PPP6R2: variants seen among roughly 807,000 people sequenced by gnomAD.
PPP6R2 encodes protein phosphatase 6 regulatory subunit 2.
A neutral mutation model predicts 100.2 loss-of-function variants in PPP6R2; 62 were observed. That is an observed-to-expected ratio of 0.62 (90% confidence interval 0.50 to 0.76). The LOEUF (loss-of-function observed/expected upper bound fraction) is 0.76, where lower values mean the gene tolerates loss of function less well. PPP6R2 is among the 30% of genes least tolerant of loss of function. The pLI is 0.00. For missense variants in PPP6R2, 1,142 were observed against 1,276.3 expected (o/e 0.89, Z 1.60); for synonymous variants, 525 against 514.7 (o/e 1.02, Z -0.27).
chr22:50,427,713 A>G (rs933277770), intron 10 of PPP6R2, among the ~76,000 whole-genome samples: 3 of 146,372 alleles, frequency 2.0e-5, no homozygotes, highest in Non-Finnish European at 4.5e-5. Context: ...CCACCACAAA[A>G]TAATTTTTGT....
intron 2 of PPP6R2, among the ~76,000 whole-genome samples, chr22:50,391,216 G>A (rs1296843681): frequency 1.3e-5 from 2 of 151,544 alleles, no homozygotes; most frequent in African/African-American, 4.8e-5. Flanking sequence ...GGCGGATCAC[G>A]AGGTCAGGAG....
chr22:50,422,510 T>G, intron 9 of PPP6R2, 130 bp downstream of exon 9: 15 of 1,228,012 alleles, frequency 1.2e-5, no homozygotes, highest in Middle Eastern at 2.9e-4. Flanking sequence ...AGACGGCCAT[T>G]CCCACACCCC....
chr22:50,383,848 C>A (rs1602785578), intron 2 of PPP6R2, among the ~76,000 whole-genome samples: 2 of 151,796 alleles, frequency 1.3e-5, no homozygotes, highest in African/African-American at 4.8e-5. Flanking sequence ...ACTAGCCTGG[C>A]CAACATGGTG....
intron 1 of PPP6R2, among the ~76,000 whole-genome samples, chr22:50,371,348 G>C (rs989706413): frequency 6.6e-6 from 1 of 152,024 alleles, no homozygotes; most frequent in Non-Finnish European, 1.5e-5. Flanking sequence ...TCCCAGAAAA[G>C]GAAGACTGCC....
At chr22:50,405,993 G>T (rs2058855482) in intron 3 of PPP6R2, among the ~76,000 whole-genome samples, 1 of 145,694 alleles carries the variant, frequency 6.9e-6, no homozygotes, top group African/African-American at 2.6e-5. Flanking sequence ...AGAAGTGAGA[G>T]ACCTGCAGAG....
At chr22:50,357,456 A>T (rs1427758679) in intron 1 of PPP6R2, among the ~76,000 whole-genome samples, 11 of 116,680 alleles carry the variant, frequency 9.4e-5, no homozygotes, top group Non-Finnish European at 1.4e-4. Flanking sequence ...CTCTTTCCCT[A>T]CCTCCCTTCC....
intron 2 of PPP6R2, among the ~76,000 whole-genome samples, chr22:50,380,986 C>CAAA (rs375160457): frequency 1.6e-4 from 14 of 87,900 alleles, no homozygotes; most frequent in East Asian, 9.8e-4. Flanking sequence ...GACTCCATCT[C>CAAA]AAAAAAAAAA....
chr22:50,358,248 A>G (rs978322859), intron 1 of PPP6R2, among the ~76,000 whole-genome samples: 15 of 152,138 alleles, frequency 9.9e-5, no homozygotes, highest in African/African-American at 3.6e-4. Context: ...GAACCAGTGT[A>G]CCCAGCTCCT....
the PPP6R2 span, among the ~76,000 whole-genome samples, chr22:50,332,419 G>A: frequency 6.6e-6 from 1 of 151,330 alleles, no homozygotes; most frequent in East Asian, 2.0e-4. Context: ...TTTAGTAGAA[G>A]CGGGGTTTCA....
chr22:50,355,984 A>G (rs1209574205), intron 1 of PPP6R2, among the ~76,000 whole-genome samples: 1 of 141,600 alleles, frequency 7.1e-6, no homozygotes, highest in Non-Finnish European at 1.5e-5. Flanking sequence ...TTTTTTTGAG[A>G]CGGAGTCTCG....
intron 1 of PPP6R2, among the ~76,000 whole-genome samples, chr22:50,353,700 T>G (rs906631160): frequency 1.3e-5 from 2 of 152,006 alleles, no homozygotes; most frequent in African/African-American, 4.8e-5. Flanking sequence ...GGAAGCACGT[T>G]AGACAAAGTA....
intron 2 of PPP6R2, among the ~76,000 whole-genome samples, chr22:50,391,464 A>G (rs1261172474): frequency 1.3e-5 from 2 of 148,306 alleles, no homozygotes; most frequent in African/African-American, 5.0e-5. Context: ...AAATGTAAAC[A>G]TTAGCTGGTC....
Position 50,440,983 on chromosome 22 carries a change from C to A in PPP6R2, c.2536C>A (p.Pro846Thr), listed in dbSNP as rs1457806368. The change falls in exon 22 of 24, where the codon CCC becomes ACC. Residue 846 changes from proline to threonine, a missense_variant. By Grantham distance (38) the Pro-to-Thr change is conservative (BLOSUM62 -1). Around this residue, in one of 2 missense-constraint regions of PPP6R2, gnomAD observed 550 missense variants for 517.4 expected, o/e 1.06. Coordinates refer to ENST00000612753, the MANE Select transcript of PPP6R2 (RefSeq NM_001242898.2). ...AVSRGPGREA[P>T]PLPTVARTEE... is the part of the protein sequence containing the mutation. The stretch of plus-strand genomic sequence containing the variant: ...GAGCAGGGGTCCCGGCCGGGAGGCC[C>A]CCCCGCTGCCCACAGTGGCCAGGAC... 6.2e-7 allele frequency: 1 copy of A among 1,610,338 alleles called. No homozygotes were observed. The highest frequency in any genetic ancestry group is 8.5e-7 in the Non-Finnish European group (1 of 1,178,240).
intron 1 of PPP6R2, among the ~76,000 whole-genome samples, chr22:50,365,088 T>G (rs76987017): frequency 1.5e-5 from 2 of 129,352 alleles, no homozygotes; most frequent in Admixed American, 7.8e-5. Context: ...TTTTTTTTTT[T>G]GAGACGGAGT....
At chr22:50,354,334 T>C (rs1374548848) in intron 1 of PPP6R2, among the ~76,000 whole-genome samples, 2 of 152,030 alleles carry the variant, frequency 1.3e-5, no homozygotes, top group African/African-American at 4.8e-5. Context: ...TAAAATAAAA[T>C]GCCTGGGACT....
intron 2 of PPP6R2, among the ~76,000 whole-genome samples, chr22:50,381,170 T>C (rs960353235): frequency 6.7e-6 from 1 of 148,844 alleles, no homozygotes; most frequent in Non-Finnish European, 1.5e-5. Context: ...CACCAAACCA[T>C]TTACGAGGGA....
chr22:50,351,457 C>G (rs1337099145), intron 1 of PPP6R2, among the ~76,000 whole-genome samples: 1 of 150,658 alleles, frequency 6.6e-6, no homozygotes, highest in East Asian at 2.0e-4. Context: ...TGAAGCCAGG[C>G]GTTGACTTAC....
chr22:50,346,454 C>A (rs796076306), intron 1 of PPP6R2, among the ~76,000 whole-genome samples: 31 of 95,236 alleles, frequency 3.3e-4, no homozygotes, highest in African/African-American at 1.3e-3. Flanking sequence ...CCCCCCAAGT[C>A]AGTTTCCTCC....
At chr22:50,410,609 C>T (rs1268298668) in intron 4 of PPP6R2, among the ~76,000 whole-genome samples, 3 of 150,526 alleles carry the variant, frequency 2.0e-5, no homozygotes, top group African/African-American at 7.3e-5. Flanking sequence ...GCCTCAGCCT[C>T]CCGTCTGGGG....
Sources: gnomAD v4.1 joint callset for allele counts (sites outside exome capture counted in the v4.1 genomes callset) on GRCh38, gnomAD v4.1.1 for gene constraint, gnomAD v4.1.1 regional missense constraint, MANE v1.5 for transcripts, NCBI Gene and HGNC (gene_info 2026-07-23, HGNC 2026-07-21) for gene names.